Variants in IL1RAPL1 observed in about 807,000 individuals in gnomAD.
IL1RAPL1 encodes interleukin 1 receptor accessory protein like 1.
In IL1RAPL1, 3 loss-of-function variants were observed where a neutral mutation model predicts 48.4. The observed-to-expected ratio is 0.06, with a 90% CI of 0.03 to 0.16. The LOEUF is 0.16. Among genes scored for constraint, IL1RAPL1 ranks in the 10% least tolerant of loss-of-function variants. IL1RAPL1 has a pLI of 1.00. For missense variants in IL1RAPL1, 349 were observed against 530.6 expected (o/e 0.66, Z 3.36); for synonymous variants, 185 against 187.7 (o/e 0.99, Z 0.12).
chrX:29,862,389 A>G (rs1931606365), intron 6 of IL1RAPL1, among the ~76,000 whole-genome samples: 1 of 111,631 alleles, frequency 9.0e-6, no homozygotes, highest in Non-Finnish European at 1.9e-5. Context: ...GATGAAAAGG[A>G]AAGCTGCAGT....
chrX:28,614,879 C>T (rs1408871579), intron 1 of IL1RAPL1, among the ~76,000 whole-genome samples: 1 of 110,574 alleles, frequency 9.0e-6, no homozygotes, highest in East Asian at 2.8e-4. Flanking sequence ...CATAAACTGT[C>T]GTCTGTTTTT....
intron 5 of IL1RAPL1, among the ~76,000 whole-genome samples, chrX:29,405,587 C>G (rs55788134): frequency 0.071 from 7,112 of 99,692 alleles, 723 homozygotes; most frequent in African/African-American, 0.22. Context: ...GGGATGGTCT[C>G]GATCTCCTGA....
At chrX:29,517,895 G>C (rs186900454) in intron 5 of IL1RAPL1, among the ~76,000 whole-genome samples, 40 of 111,804 alleles carry the variant, frequency 3.6e-4, no homozygotes, top group Admixed American at 6.7e-4. Context: ...AACTTCTGCT[G>C]TTTGGTTTCT....
chrX:28,693,265 T>G (rs780941107), intron 1 of IL1RAPL1, among the ~76,000 whole-genome samples: 2 of 111,986 alleles, frequency 1.8e-5, no homozygotes, highest in South Asian at 7.5e-4. Flanking sequence ...TACTGTTCTG[T>G]GAGATTGCAA....
At chrX:29,242,439 A>C (rs190903980) in intron 2 of IL1RAPL1, among the ~76,000 whole-genome samples, 2 of 112,333 alleles carry the variant, frequency 1.8e-5, no homozygotes, top group East Asian at 5.6e-4. Flanking sequence ...TGCTACAAGA[A>C]AAATCAAACT....
chrX:29,188,774 A>T (rs1437684605), intron 2 of IL1RAPL1, among the ~76,000 whole-genome samples: 1 of 108,491 alleles, frequency 9.2e-6, no homozygotes, highest in East Asian at 2.9e-4. Flanking sequence ...TTTAGTAGAG[A>T]TAGGGTTTCA....
chrX:29,459,286 A>C (rs1406415748), intron 5 of IL1RAPL1, among the ~76,000 whole-genome samples: 1 of 112,178 alleles, frequency 8.9e-6, no homozygotes, highest in East Asian at 2.8e-4. Flanking sequence ...TTATGGCAGA[A>C]ATATAGACTC....
intron 5 of IL1RAPL1, among the ~76,000 whole-genome samples, chrX:29,653,943 T>TA (rs145794029): frequency 6.0e-4 from 64 of 106,085 alleles, no homozygotes; most frequent in Non-Finnish European, 9.1e-4. Flanking sequence ...TTTATTTATT[T>TA]TTTGGCTGTA....
intron 6 of IL1RAPL1, among the ~76,000 whole-genome samples, chrX:29,732,525 G>A (rs140726682): frequency 9.0e-6 from 1 of 111,330 alleles, no homozygotes; most frequent in East Asian, 2.8e-4. Flanking sequence ...CCCTAACTAC[G>A]AAATTAGCTA....
chrX:29,113,949 T>A (rs1569239647), intron 2 of IL1RAPL1, among the ~76,000 whole-genome samples: 2 of 112,237 alleles, frequency 1.8e-5, no homozygotes. Flanking sequence ...CATTTCATCA[T>A]CATATATAGT....
At chrX:29,491,500 C>T (rs1223033805) in intron 5 of IL1RAPL1, among the ~76,000 whole-genome samples, 1 of 111,702 alleles carries the variant, frequency 9.0e-6, no homozygotes, top group Admixed American at 9.5e-5. Context: ...AATAATCAAA[C>T]AAAAAAGGAC....
chrX:29,441,519 A>G (rs1408292737), intron 5 of IL1RAPL1, among the ~76,000 whole-genome samples: 1 of 112,189 alleles, frequency 8.9e-6, no homozygotes, highest in Non-Finnish European at 1.9e-5. Flanking sequence ...ACTTCTTCAC[A>G]ACTATGTCCC....
chrX:28,889,025 G>A (rs1455567871), intron 2 of IL1RAPL1, among the ~76,000 whole-genome samples: 1 of 110,563 alleles, frequency 9.0e-6, no homozygotes, highest in African/African-American at 3.3e-5. Context: ...TTAAGACTCA[G>A]GTTTAAAAAA....
intron 2 of IL1RAPL1, among the ~76,000 whole-genome samples, chrX:28,854,453 G>A (rs182888738): frequency 1.4e-5 from 1 of 70,436 alleles, no homozygotes. Flanking sequence ...AAGATGTGAA[G>A]TTTAGGAAGA....
intron 2 of IL1RAPL1, among the ~76,000 whole-genome samples, chrX:28,988,155 G>A (rs1429624636): frequency 2.7e-5 from 3 of 110,268 alleles, no homozygotes; most frequent in Non-Finnish European, 5.7e-5. Context: ...TTTTAACTAC[G>A]AATGGAGTGA....
Position 29,396,409 on chromosome X carries a change from C to T in IL1RAPL1, c.514C>T (p.Leu172=). The change falls in exon 4 of 11, where the codon CTG becomes TTG. Residue 172 remains leucine, a synonymous_variant. Transcript: ENST00000378993. The part of the protein sequence containing the change: ...ISCRDIEDFL[L]PTREPEILWY... ...ATGCCGTGACATAGAGGATTTTCTA[C>T]TGCCAACCAGAGAACCTGAAATCCT... The T allele has an allele frequency of 8.3e-7, 1 of 1,211,622 alleles. No individual in the cohort carries two copies. The highest frequency in any genetic ancestry group is 1.1e-6 in the Non-Finnish European group (1 of 895,156).
In IL1RAPL1 at chrX:28,742,598, GAGA is replaced by G. The variant is rs757529483; in HGVS notation, c.-24-46717_-24-46715del. 3.6e-5 allele frequency among the ~76,000 whole-genome samples: 4 copies of G among 111,463 alleles called. No individual in the cohort carries two copies. The South Asian group carries it at 1.5e-3, about 42-fold the overall frequency. The stretch of plus-strand genomic sequence containing the variant: ...GTGGAGTCAATCCGAGTCTTTTTTG[GAGA>G]AGAACAACAGAAATATTTTACATTT... On this transcript the variant is annotated intron_variant, in intron 1 of 10. Transcript: ENST00000378993.
Position 29,869,275 on chromosome X carries a change from G to A in IL1RAPL1, c.779-48189G>A, listed in dbSNP as rs917882017. Among the ~76,000 whole-genome samples the A allele has an allele frequency of 7.1e-5, 8 of 111,893 alleles. No homozygotes were observed. In the South Asian group the frequency reaches 1.1e-3, roughly 16 times the overall value. ...CCAATAATATCCTTGGTATTTTAGC[G>A]TTGTGGATTGTCAAAGGCTTGCTTA... On this transcript the variant is annotated intron_variant, in intron 6 of 10. Coordinates refer to ENST00000378993, the MANE Select transcript of IL1RAPL1 (RefSeq NM_014271.4).
At chrX:29,907,595 A>C (rs1932662376) in intron 6 of IL1RAPL1, among the ~76,000 whole-genome samples, 1 of 111,833 alleles carries the variant, frequency 8.9e-6, no homozygotes, top group African/African-American at 3.2e-5. Context: ...GATTTCAAAG[A>C]GTTGTACCAC....
Sources: allele counts gnomAD v4.1 joint callset (sites outside exome capture counted in the v4.1 genomes callset), GRCh38; gene constraint gnomAD v4.1.1; transcripts MANE v1.5; gene names NCBI Gene and HGNC (gene_info 2026-07-23, HGNC 2026-07-21).